ALPK1: variants seen among roughly 807,000 people sequenced by gnomAD.
ALPK1 encodes the protein alpha-protein kinase 1.
In ALPK1, 110 loss-of-function variants were observed where a neutral mutation model predicts 120.6. The observed-to-expected ratio is 0.91, with a 90% CI of 0.78 to 1.07. The LOEUF (loss-of-function observed/expected upper bound fraction) is 1.07, where lower values mean the gene tolerates loss of function less well. Among genes scored for constraint, ALPK1 ranks in the 50% least tolerant of loss-of-function variants. The pLI is 0.00. For missense variants in ALPK1, 1,498 were observed against 1,483.9 expected, an observed-to-expected ratio of 1.01 and a Z score of -0.16; for synonymous variants, 582 against 560.3, an observed-to-expected ratio of 1.04 and a Z score of -0.55.
chr4:112,357,648 G>A, intron 2 of ALPK1: 1 of 1,608,534 alleles, frequency 6.2e-7, no homozygotes, highest in Non-Finnish European at 8.5e-7. Context: ...ACAAGCACCA[G>A]ATCTGGGTGG....
intron 5 of ALPK1, among the ~76,000 whole-genome samples, chr4:112,415,335 ACAT>A (rs1733691427): frequency 6.6e-6 from 1 of 152,238 alleles, no homozygotes; most frequent in Admixed American, 6.5e-5. Flanking sequence ...AGATGACCTT[ACAT>A]TAAAATTATA....
intron 9 of ALPK1, among the ~76,000 whole-genome samples, chr4:112,428,278 T>C (rs1560684261): frequency 6.6e-6 from 1 of 152,194 alleles, no homozygotes; most frequent in Non-Finnish European, 1.5e-5. Flanking sequence ...TGAGCCCAGA[T>C]CTCTGACCAG....
At chr4:112,321,584 C>T (rs1728868264) in intron 2 of ALPK1, among the ~76,000 whole-genome samples, 1 of 152,148 alleles carries the variant, frequency 6.6e-6, no homozygotes, top group Admixed American at 6.5e-5. Flanking sequence ...TAAATTTCCA[C>T]CTTGATTTTA....
chr4:112,355,636 G>A (rs1422534327), intron 2 of ALPK1, among the ~76,000 whole-genome samples: 3 of 152,146 alleles, frequency 2.0e-5, no homozygotes, highest in African/African-American at 7.2e-5. Flanking sequence ...GGAGACGGGC[G>A]GGACCCCAGA....
chr4:112,308,094 G>A (rs1260014523), intron 1 of ALPK1, among the ~76,000 whole-genome samples: 1 of 152,108 alleles, frequency 6.6e-6, no homozygotes, highest in Non-Finnish European at 1.5e-5. Flanking sequence ...CTTCTGGCTT[G>A]TAGAGTTTCT....
At chr4:112,336,527 A>T (rs1729628241) in intron 2 of ALPK1, among the ~76,000 whole-genome samples, 1 of 152,214 alleles carries the variant, frequency 6.6e-6, no homozygotes, top group South Asian at 2.1e-4. Flanking sequence ...AATTTTTAGC[A>T]TCTTTATGGA....
chr4:112,357,509 T>G, intron 2 of ALPK1: 5 of 821,250 alleles, frequency 6.1e-6, no homozygotes, highest in Non-Finnish European at 1.0e-5. Flanking sequence ...GGCCACAGCA[T>G]GCGCAAGCTG....
rs186302914 is a variant in ALPK1 at position 112,370,976 on chromosome 4, A to G, written c.-100-6702A>G. On this transcript the variant is annotated intron_variant, in intron 2 of 15. Coordinates refer to ENST00000650871, the MANE Select transcript of ALPK1 (RefSeq NM_025144.4). The stretch of plus-strand genomic sequence containing the variant: ...ATGCATTTATGTCTTTTCCTGGAAG[A>G]TCTCTTCTACGCTTCTTGTCTCAAA... Among the ~76,000 whole-genome samples, 68 of 152,286 alleles carry G rather than the reference A, an allele frequency of 4.5e-4. 1 individual carries two copies. Among genetic ancestry groups the G allele is most frequent in the African/African-American group, 1.5e-3 (61 of 41,564 alleles).
chr4:112,402,049 C>T (rs971748641), intron 4 of ALPK1, among the ~76,000 whole-genome samples: 1 of 152,194 alleles, frequency 6.6e-6, no homozygotes, highest in Non-Finnish European at 1.5e-5. Flanking sequence ...TTGATCTGTA[C>T]CACTTTCACT....
At position 112,431,753 on chromosome 4, in the gene ALPK1, C is replaced by G; in HGVS notation, c.2206C>G (p.Pro736Ala). The change falls in exon 11 of 16, where the codon CCT (proline) becomes GCT (alanine). Residue 736 changes from proline to alanine, a missense_variant. By Grantham distance (27) the Pro-to-Ala change is conservative. Coordinates refer to ENST00000650871, the MANE Select transcript of ALPK1 (RefSeq NM_025144.4). The part of the protein sequence containing the change: ...SGRPKNMGTH[P>A]SVQKEEAFEI... ...TAGGCCCAAGAATATGGGCACACAT[C>G]CTTCAGTCCAAAAAGAAGAAGCCTT... The G allele has an allele frequency of 6.2e-7, 1 of 1,614,192 alleles. No homozygotes were observed. The highest frequency in any genetic ancestry group is 8.5e-7 in the Non-Finnish European group (1 of 1,180,034).
At chr4:112,412,354 A>T in intron 5 of ALPK1, 1 of 510,914 alleles carries the variant, frequency 2.0e-6, no homozygotes, top group Admixed American at 2.3e-5. Context: ...TCTGACCAAG[A>T]GTCTTTAAAA....
rs547423060 is a variant in ALPK1 at position 112,405,093 on chromosome 4, T to G, written c.277-6734T>G. On this transcript the variant is annotated intron_variant, in intron 4 of 15. Transcript: ENST00000650871. ...AGCTGATCAATATTCTGCTGAAGAC[T>G]CAAAGGGGACCCTCTGCAGATCTCT... Among the ~76,000 whole-genome samples, 29 of 152,328 alleles carry G rather than the reference T, an allele frequency of 1.9e-4. 1 individual carries two copies. The highest frequency in any genetic ancestry group is 6.8e-3 in the Middle Eastern group (2 of 292).
rs773865358 is a variant in ALPK1 at position 112,427,703 on chromosome 4, T to G, written c.795+38T>G. ...ACACTGAGTGGCATCACCTGTAAAA[T>G]TGTCAATCGTGTCCTTGGTGGTTGG... On this transcript the variant is annotated intron_variant, in intron 9 of 15. Coordinates refer to ENST00000650871, the MANE Select transcript of ALPK1 (RefSeq NM_025144.4). 5.5e-6 allele frequency: 8 copies of G among 1,454,320 alleles called. No individual in the cohort carries two copies. In the African/African-American group the frequency reaches 9.8e-5, roughly 18 times the overall value. The allele number at this position is 1,454,320 out of a possible 1,614,324, so 90.1% of individuals were successfully genotyped here. A position where few individuals can be genotyped will look rare whatever the true frequency, so the allele number is the denominator to read the frequency against.
chr4:112,431,868 C>T lies in ALPK1; in HGVS notation c.2321C>T (p.Ala774Val). The change falls in exon 11 of 16, where the codon GCA (alanine) becomes GTA (valine). Residue 774 changes from alanine (A) to valine (V), a missense_variant. Transcript: ENST00000650871. ...GGAGAAGAAATTAGTGAAAGAGGCG[C>T]AGGCCCTACATTTAAAGCTAGTCCC... Reference protein sequence around the residue: ...EQGEEISERGAGPTFKASPSW... With the variant: ...EQGEEISERGVGPTFKASPSW... 6.2e-7 allele frequency: 1 copy of T among 1,614,014 alleles called. No individual in the cohort carries two copies. Among genetic ancestry groups the T allele is most frequent in the East Asian group, 2.2e-5 (1 of 44,888 alleles).
At chr4:112,351,930 C>T (rs1296777281) in intron 2 of ALPK1, among the ~76,000 whole-genome samples, 1 of 152,134 alleles carries the variant, frequency 6.6e-6, no homozygotes, top group African/African-American at 2.4e-5. Flanking sequence ...TGAGGATCTC[C>T]TCCTCACAGT....
intron 2 of ALPK1, among the ~76,000 whole-genome samples, chr4:112,354,687 C>G (rs773333994): frequency 1.1e-4 from 17 of 152,162 alleles, no homozygotes; most frequent in Non-Finnish European, 2.1e-4. Context: ...AGGCTGGTCT[C>G]GAACTCCTGG....
At chr4:112,416,168 G>A (rs935276741) in intron 5 of ALPK1, among the ~76,000 whole-genome samples, 1 of 152,182 alleles carries the variant, frequency 6.6e-6, no homozygotes, top group African/African-American at 2.4e-5. Context: ...GGTACGGCCT[G>A]AGATGCTGCT....
Position 112,367,423 on chromosome 4 carries a change from AT to A in ALPK1, c.-100-10247del, listed in dbSNP as rs200043658. On this transcript the variant is annotated intron_variant, in intron 2 of 15. Transcript: ENST00000650871. Reference sequence around the variant, plus strand: ...GTCTTACGCTTAATTATGATAAAAGATTTTTTTTATGTAAAAAATGAAAATA... The same window carrying A: ...GTCTTACGCTTAATTATGATAAAAGATTTTTTTATGTAAAAAATGAAAATA... Among the ~76,000 whole-genome samples the A allele has an allele frequency of 9.9e-3, 1,503 of 152,144 alleles. 14 individuals are homozygous for A. The highest frequency in any genetic ancestry group is 0.033 in the African/African-American group (1,368 of 41,502).
At chr4:112,411,786 C>A (rs376090210) in intron 4 of ALPK1, 41 bp from the exon 5 acceptor site, 3 of 1,563,942 alleles carry the variant, frequency 1.9e-6, no homozygotes, top group Non-Finnish European at 2.6e-6. Flanking sequence ...AGCCTGCCAG[C>A]GTTTCCGCCT....
Sources: allele counts gnomAD v4.1 joint callset (sites outside exome capture counted in the v4.1 genomes callset), GRCh38; gene constraint gnomAD v4.1.1; transcripts MANE v1.5; gene names NCBI Gene and HGNC (gene_info 2026-07-23, HGNC 2026-07-21).